The following IL1RAPL1 variants were observed in gnomAD, a reference collection of about 807,000 sequenced individuals.
IL1RAPL1 encodes interleukin-1 receptor accessory protein-like 1.
IL1RAPL1 carries 3 observed loss-of-function variants against 48.4 expected under a neutral mutation model. The observed-to-expected ratio is 0.06, with a 90% CI of 0.03 to 0.16. The LOEUF (loss-of-function observed/expected upper bound fraction) is 0.16. Ranked by LOEUF, IL1RAPL1 falls within the 10% of genes least tolerant of loss-of-function variation. The pLI is 1.00. For synonymous variants in IL1RAPL1, 185 were observed against 187.7 expected (o/e 0.99, Z 0.12); for missense variants, 349 against 530.6 (o/e 0.66, Z 3.36).
At chrX:29,059,509 C>T (rs1044125673) in intron 2 of IL1RAPL1, among the ~76,000 whole-genome samples, 6 of 111,453 alleles carry the variant, frequency 5.4e-5, no homozygotes, top group Admixed American at 2.9e-4. Flanking sequence ...GTGAAAAGGT[C>T]CTTGAGAAAA....
chrX:29,910,501 A>G (rs536614501), intron 6 of IL1RAPL1, among the ~76,000 whole-genome samples: 8 of 111,814 alleles, frequency 7.2e-5, no homozygotes, highest in Admixed American at 2.9e-4. Context: ...TTGGAATGGA[A>G]TATTTTCAGT....
chrX:29,141,288 A>G (rs1248429159), intron 2 of IL1RAPL1, among the ~76,000 whole-genome samples: 2 of 111,096 alleles, frequency 1.8e-5, no homozygotes, highest in East Asian at 2.8e-4. Flanking sequence ...ACCGCAGCCT[A>G]AGCTCATAAA....
intron 5 of IL1RAPL1, among the ~76,000 whole-genome samples, chrX:29,468,316 T>C (rs1352669471): frequency 1.8e-5 from 2 of 112,812 alleles, no homozygotes; most frequent in Admixed American, 9.4e-5. Context: ...ATGGAAAGTA[T>C]CGCTTACTTT....
intron 2 of IL1RAPL1, among the ~76,000 whole-genome samples, chrX:29,198,515 C>T (rs753407555): frequency 1.0e-4 from 11 of 109,876 alleles, no homozygotes; most frequent in South Asian, 7.8e-4. Context: ...AGGCTGGTCT[C>T]GAACTCCTGA....
intron 2 of IL1RAPL1, among the ~76,000 whole-genome samples, chrX:29,259,569 G>GA (rs1027202382): frequency 2.7e-5 from 3 of 110,184 alleles, no homozygotes; most frequent in Non-Finnish European, 5.7e-5. Context: ...ACAAAAATCT[G>GA]AAAAAAACAT....
intron 8 of IL1RAPL1, among the ~76,000 whole-genome samples, chrX:29,923,286 A>C (rs186797121): frequency 8.9e-6 from 1 of 112,456 alleles, no homozygotes; most frequent in Admixed American, 9.5e-5. Flanking sequence ...CCATAGAAAA[A>C]TCTTGCTCGA....
At chrX:29,089,458 T>C (rs2147454706) in intron 2 of IL1RAPL1, among the ~76,000 whole-genome samples, 1 of 109,633 alleles carries the variant, frequency 9.1e-6, no homozygotes, top group East Asian at 2.9e-4. Flanking sequence ...TTAACTGTAG[T>C]CATCATGCTG....
chrX:29,212,242 T>C (rs1930783256), intron 2 of IL1RAPL1, among the ~76,000 whole-genome samples: 1 of 111,075 alleles, frequency 9.0e-6, no homozygotes, highest in African/African-American at 3.3e-5. Flanking sequence ...TCGAATAACA[T>C]GGAGGTTCAG....
chrX:29,935,294 C>T (rs977134937), intron 8 of IL1RAPL1, among the ~76,000 whole-genome samples: 3 of 111,159 alleles, frequency 2.7e-5, no homozygotes, highest in Non-Finnish European at 5.7e-5. Flanking sequence ...TATCCTGCCT[C>T]ACCAATCTTT....
intron 5 of IL1RAPL1, among the ~76,000 whole-genome samples, chrX:29,525,753 G>A (rs937474062): frequency 2.7e-5 from 3 of 111,781 alleles, no homozygotes; most frequent in Non-Finnish European, 5.6e-5. Flanking sequence ...TGCTGGGGGA[G>A]AGATATAGGC....
chrX:29,405,324 T>C (rs1934045134), intron 5 of IL1RAPL1, among the ~76,000 whole-genome samples: 1 of 109,881 alleles, frequency 9.1e-6, no homozygotes. Context: ...GATACTTATC[T>C]CTGTGCCTGT....
intron 6 of IL1RAPL1, among the ~76,000 whole-genome samples, chrX:29,778,642 A>G (rs1010215106): frequency 2.7e-5 from 3 of 111,990 alleles, no homozygotes; most frequent in Admixed American, 9.5e-5. Flanking sequence ...CTATTTTATT[A>G]GTTGATGCCA....
intron 6 of IL1RAPL1, among the ~76,000 whole-genome samples, chrX:29,819,710 G>A (rs999514177): frequency 9.2e-6 from 1 of 109,191 alleles, no homozygotes; most frequent in Non-Finnish European, 1.9e-5. Context: ...TTATAATTAA[G>A]ACTCAAGAAA....
intron 6 of IL1RAPL1, among the ~76,000 whole-genome samples, chrX:29,769,694 G>A (rs1225917900): frequency 1.1e-5 from 1 of 95,181 alleles, no homozygotes; most frequent in East Asian, 3.2e-4. Context: ...TCGGCTCACT[G>A]CAACCTGCAC....
intron 2 of IL1RAPL1, among the ~76,000 whole-genome samples, chrX:29,082,496 T>G: frequency 8.9e-6 from 1 of 112,316 alleles, no homozygotes; most frequent in Non-Finnish European, 1.9e-5. Context: ...TTACAGTATA[T>G]TCTGATAAAA....
intron 6 of IL1RAPL1, among the ~76,000 whole-genome samples, chrX:29,743,418 A>G (rs1286113534): frequency 9.0e-6 from 1 of 111,239 alleles, no homozygotes; most frequent in Non-Finnish European, 1.9e-5. Context: ...GGGCAAATAT[A>G]ATGCTGCTGC....
chrX:29,305,521 G>T (rs1162565270), intron 3 of IL1RAPL1, among the ~76,000 whole-genome samples: 2 of 111,543 alleles, frequency 1.8e-5, no homozygotes, highest in Non-Finnish European at 3.8e-5. Flanking sequence ...ATGCACAAGA[G>T]GGCAAAAGAG....
chrX:29,418,121 A>ATTTT lies in IL1RAPL1; in HGVS notation c.703+18814_703+18815insTTTT, dbSNP rs1347883796. On this transcript the variant is annotated intron_variant, in intron 5 of 10. Coordinates refer to ENST00000378993, the MANE Select transcript of IL1RAPL1 (RefSeq NM_014271.4). ...TATATATATATATATATATATATAT[A>ATTTT]TATATTTTTTTTTTTTTTTTTGAGA... 5.3e-3 allele frequency among the ~76,000 whole-genome samples: 215 copies of ATTTT among 40,264 alleles called. 3 individuals are homozygous for ATTTT. Among genetic ancestry groups the ATTTT allele is most frequent in the African/African-American group, 0.013 (97 of 7,694 alleles). 35.0% of individuals were successfully genotyped at this position (40,264 alleles called of 115,157 possible).
chrX:29,613,915 C>T (rs1219228554), intron 5 of IL1RAPL1, among the ~76,000 whole-genome samples: 5 of 107,631 alleles, frequency 4.6e-5, no homozygotes, highest in Non-Finnish European at 7.7e-5. Context: ...AGGCGCCTGC[C>T]ACCACGCCCG....
Sources: allele counts gnomAD v4.1 joint callset (sites outside exome capture counted in the v4.1 genomes callset), GRCh38; gene constraint gnomAD v4.1.1; transcripts MANE v1.5; gene names NCBI Gene and HGNC (gene_info 2026-07-23, HGNC 2026-07-21).